The following FAM13A variants were observed in gnomAD, a reference collection of about 807,000 sequenced individuals.
FAM13A encodes the protein protein FAM13A.
FAM13A carries 76 observed loss-of-function variants against 129.6 expected under a neutral mutation model. The ratio of observed to expected loss-of-function variants is 0.59; its 90% CI spans 0.49 to 0.71. The LOEUF is 0.71. FAM13A is among the 30% of genes least tolerant of loss of function. The pLI, the probability that FAM13A is intolerant of heterozygous loss-of-function variation, is 0.00. For synonymous variants in FAM13A, 443 were observed against 449.9 expected, an observed-to-expected ratio of 0.98 and a Z score of 0.20; for missense variants, 1,108 against 1,249.3, an observed-to-expected ratio of 0.89 and a Z score of 1.70.
intron 2 of FAM13A, among the ~76,000 whole-genome samples, chr4:89,026,037 T>C (rs1200567922): frequency 6.6e-6 from 1 of 152,226 alleles, no homozygotes; most frequent in African/African-American, 2.4e-5. Flanking sequence ...AAGAGACTAT[T>C]ATCCAATGAA....
chr4:89,004,349 G>T (rs1764706668), intron 3 of FAM13A, among the ~76,000 whole-genome samples: 1 of 151,832 alleles, frequency 6.6e-6, no homozygotes, highest in African/African-American at 2.4e-5. Flanking sequence ...ATGTCAGCCA[G>T]GCTGGTCTCA....
At chr4:89,009,296 C>T (rs1333625514) in intron 3 of FAM13A, among the ~76,000 whole-genome samples, 3 of 152,132 alleles carry the variant, frequency 2.0e-5, no homozygotes, top group African/African-American at 7.2e-5. Context: ...ATTAACTTTC[C>T]TCTGTATTCT....
intron 4 of FAM13A, among the ~76,000 whole-genome samples, chr4:88,983,121 GTTCCTT>G (rs1761845034): frequency 6.6e-6 from 1 of 152,024 alleles, no homozygotes; most frequent in Admixed American, 6.5e-5. Flanking sequence ...ACCTTCCTCT[GTTCCTT>G]ATAGGTATAA....
intron 4 of FAM13A, among the ~76,000 whole-genome samples, chr4:88,969,505 T>C (rs1220352896): frequency 6.6e-6 from 1 of 152,210 alleles, no homozygotes; most frequent in Non-Finnish European, 1.5e-5. Context: ...AAGGGCACCC[T>C]GATTGGAAGA....
Position 88,922,130 on chromosome 4 carries a change from T to C in FAM13A, c.760-15668A>G, listed in dbSNP as rs1483594039. 4.2e-3 allele frequency among the ~76,000 whole-genome samples: 632 copies of C among 149,882 alleles called. 15 individuals carry two copies. Among genetic ancestry groups the C allele is most frequent in the African/African-American group, 0.015 (587 of 39,370 alleles). ...GATTTTAACACCCCACTGTCAACAT[T>C]AGACAGATCAATGAGACAGAAAGTT... On this transcript the variant is annotated intron_variant, in intron 5 of 23. Transcript: ENST00000264344.
chr4:88,810,372 G>C (rs921325432), intron 7 of FAM13A, among the ~76,000 whole-genome samples: 1 of 152,072 alleles, frequency 6.6e-6, no homozygotes, highest in East Asian at 1.9e-4. Flanking sequence ...TAGAAACAGG[G>C]TCTTGACAGA....
At chr4:88,803,367 T>C (rs1448977186) in intron 8 of FAM13A, among the ~76,000 whole-genome samples, 1 of 152,172 alleles carries the variant, frequency 6.6e-6, no homozygotes, top group Admixed American at 6.5e-5. Context: ...ATTGAAAATA[T>C]CAAGTAGCTT....
Position 88,728,666 on chromosome 4 carries a change from C to T in FAM13A, c.2946-7G>A, listed in dbSNP as rs767998593. On this transcript the variant is annotated splice_polypyrimidine_tract_variant and splice_region_variant and intron_variant, in intron 23 of 23. Transcript: ENST00000264344. The stretch of plus-strand genomic sequence containing the variant: ...GTCTTCCTTCTGGACATTTCTAATG[C>T]AAATAAAGGAAAAAGGGGTCTGAGG... 6.2e-7 allele frequency: 1 copy of T among 1,608,372 alleles called. No homozygotes were observed. Among genetic ancestry groups the T allele is most frequent in the Non-Finnish European group, 8.5e-7 (1 of 1,178,322 alleles).
At chr4:88,820,958 A>C (rs1731767759) in intron 7 of FAM13A, among the ~76,000 whole-genome samples, 1 of 152,226 alleles carries the variant, frequency 6.6e-6, no homozygotes, top group African/African-American at 2.4e-5. Context: ...GCTCTTAAAC[A>C]GAATGGAACA....
intron 11 of FAM13A, among the ~76,000 whole-genome samples, chr4:88,773,378 C>CATA (rs1177430010): frequency 6.6e-6 from 1 of 152,174 alleles, no homozygotes; most frequent in Non-Finnish European, 1.5e-5. Context: ...CCCACTTAAT[C>CATA]AGGCTCTTCC....
chr4:88,860,291 A>T (rs904871523), intron 6 of FAM13A, among the ~76,000 whole-genome samples: 3 of 152,220 alleles, frequency 2.0e-5, no homozygotes, highest in African/African-American at 7.2e-5. Flanking sequence ...AGCAGCCCAG[A>T]TTTCTCCCAG....
intron 21 of FAM13A, chr4:88,736,556 A>G (rs1402148958): frequency 6.6e-6 from 1 of 152,214 alleles, no homozygotes; most frequent in Non-Finnish European, 1.5e-5. Context: ...GAGTTAAATG[A>G]CTGTTAGAAA....
chr4:88,839,230 A>G (rs965302879), intron 7 of FAM13A, among the ~76,000 whole-genome samples: 2 of 152,112 alleles, frequency 1.3e-5, no homozygotes, highest in Non-Finnish European at 2.9e-5. Context: ...TTTTATTTTT[A>G]TGTTTAAATA....
chr4:88,980,111 C>T lies in FAM13A; in HGVS notation c.605+10862G>A, dbSNP rs146988977. Among the ~76,000 whole-genome samples the T allele has an allele frequency of 4.4e-3, 677 of 152,204 alleles. 5 individuals carry two copies. The highest frequency in any genetic ancestry group is 0.015 in the African/African-American group (617 of 41,526). On this transcript the variant is annotated intron_variant, in intron 4 of 23. Transcript: ENST00000264344. ...TTACATGTATAAGCATGAGACATGC[C>T]ATGATAAACAACAGTAAGTTTTTAA...
chr4:88,747,733 C>A lies in FAM13A; in HGVS notation c.2280G>T (p.Leu760=). ...CACTGGGCTTTATTGCTTTATCCAC[C>A]AGCTCTTGCTTCTTCTCATCTTCTT... ...LEKEDEKKQE[L]VDKAIKPSVE... Residue 760 remains leucine, a synonymous_variant, in exon 18 of 24, where the codon CTG becomes CTT. Coordinates refer to ENST00000264344, the MANE Select transcript of FAM13A (RefSeq NM_014883.4). The A allele has an allele frequency of 6.2e-7, 1 of 1,614,154 alleles. No homozygotes were observed. The highest frequency in any genetic ancestry group is 8.5e-7 in the Non-Finnish European group (1 of 1,179,998).
chr4:89,001,544 AG>A (rs1764244451), intron 3 of FAM13A, among the ~76,000 whole-genome samples: 1 of 152,218 alleles, frequency 6.6e-6, no homozygotes, highest in South Asian at 2.1e-4. Context: ...TAATTTCAAA[AG>A]AAAAGAAGCT....
intron 6 of FAM13A, among the ~76,000 whole-genome samples, chr4:88,872,279 A>G (rs562257211): frequency 4.2e-4 from 64 of 152,336 alleles, no homozygotes; most frequent in African/African-American, 1.5e-3. Context: ...GACAGGATCA[A>G]ATTCACACAT....
intron 10 of FAM13A, among the ~76,000 whole-genome samples, chr4:88,783,938 A>G (rs1723461472): frequency 6.6e-6 from 1 of 152,120 alleles, no homozygotes; most frequent in South Asian, 2.1e-4. Flanking sequence ...AACTGTCAGA[A>G]GATAAATTTT....
rs541535924 is a variant in FAM13A at position 88,733,291 on chromosome 4, CA to C, written c.2647-1094del. ...AAACAAGCAACCAAACAAAGCAAAACAAAAAAGGACTATCATATAACTGATA... is the reference window on the plus strand; with the variant it reads ...AAACAAGCAACCAAACAAAGCAAAACAAAAAGGACTATCATATAACTGATA... On this transcript the variant is annotated intron_variant, in intron 21 of 23. Coordinates refer to ENST00000264344, the MANE Select transcript of FAM13A (RefSeq NM_014883.4). Among the ~76,000 whole-genome samples, 212 of 151,926 alleles carry C rather than the reference CA, an allele frequency of 1.4e-3. 1 individual carries two copies. Among genetic ancestry groups the C allele is most frequent in the African/African-American group, 5.0e-3 (205 of 41,412 alleles).
Sources: allele counts gnomAD v4.1 joint callset (sites outside exome capture counted in the v4.1 genomes callset), GRCh38; gene constraint gnomAD v4.1.1; transcripts MANE v1.5; gene names NCBI Gene and HGNC (gene_info 2026-07-23, HGNC 2026-07-21).